ZNF462: variants seen among roughly 807,000 people sequenced by gnomAD.
The protein encoded by ZNF462 is zinc finger PBX1-interacting protein.
A neutral mutation model predicts 201.9 loss-of-function variants in ZNF462; 10 were observed. The ratio of observed to expected loss-of-function variants is 0.05; its 90% CI spans 0.03 to 0.08. The LOEUF (loss-of-function observed/expected upper bound fraction) is 0.08. ZNF462 is among the 10% of genes least tolerant of loss of function. The pLI, the probability that ZNF462 is intolerant of heterozygous loss-of-function variation, is 1.00. For missense variants in ZNF462, 2,523 were observed against 3,168.3 expected (o/e 0.80, Z 4.89); for synonymous variants, 1,227 against 1,193.3 (o/e 1.03, Z -0.58).
intron 1 of ZNF462, among the ~76,000 whole-genome samples, chr9:106,863,755 T>C (rs1564061897): frequency 6.7e-6 from 1 of 148,250 alleles, no homozygotes; most frequent in Non-Finnish European, 1.5e-5. Context: ...AAATGAAAGA[T>C]GAGTGAGAAG....
chr9:106,969,212 A>G (rs1462185739), intron 7 of ZNF462, among the ~76,000 whole-genome samples: 1 of 152,104 alleles, frequency 6.6e-6, no homozygotes, highest in Non-Finnish European at 1.5e-5. Flanking sequence ...AAACCTGTCC[A>G]TCTGATTTTA....
chr9:106,915,077 AAGGG>A lies in ZNF462; in HGVS notation c.-30-8276_-30-8273del, dbSNP rs1289832917. Among the ~76,000 whole-genome samples, 951 of 152,282 alleles carry A rather than the reference AAGGG, an allele frequency of 6.2e-3. 7 individuals carry two copies. The highest frequency in any genetic ancestry group is 0.018 in the Admixed American group (276 of 15,294). ...CTTCATTTAACAAAATGATCAAAGT[AAGGG>A]CCTCAAAAGACTTGCTCTCAAGGTG... On this transcript the variant is annotated intron_variant, in intron 1 of 12. Coordinates refer to ENST00000277225, the MANE Select transcript of ZNF462 (RefSeq NM_021224.6).
At chr9:106,889,387 A>G (rs1370505723) in intron 1 of ZNF462, among the ~76,000 whole-genome samples, 1 of 152,040 alleles carries the variant, frequency 6.6e-6, no homozygotes, top group Admixed American at 6.6e-5. Flanking sequence ...TGTCTTGTGG[A>G]TTTGAAAGTA....
In ZNF462 at chr9:106,930,475, C is replaced by T; in HGVS notation, c.5848-50C>T. On this transcript the variant is annotated intron_variant, in intron 3 of 12. Coordinates refer to ENST00000277225, the MANE Select transcript of ZNF462 (RefSeq NM_021224.6). The surrounding 1 kb of genome is among the most constrained non-coding windows in gnomAD (Gnocchi z 5.8). Reference sequence around the variant, plus strand: ...AGTAAACTGCAAGAATAAATTCTGACAATTGAGGGAGGGCTCGGAGTACTG... The same window carrying T: ...AGTAAACTGCAAGAATAAATTCTGATAATTGAGGGAGGGCTCGGAGTACTG... 6.3e-7 allele frequency: 1 copy of T among 1,596,462 alleles called. No individual in the cohort carries two copies. The highest frequency in any genetic ancestry group is 8.6e-7 in the Non-Finnish European group (1 of 1,167,508).
At position 106,970,038 on chromosome 9, in the gene ZNF462, T is replaced by C. The variant is rs1277655462; in HGVS notation, c.6428-1967T>C. On this transcript the variant is annotated intron_variant, in intron 7 of 12. Transcript: ENST00000277225. This position sits in a 1 kb window ranked among gnomAD's most constrained non-coding sequence, Gnocchi z 4.2. ...AAAACATCTCAAACAATCCATGAAA[T>C]GGTAAACAAACCTGCTATTGAATGA... 6.6e-6 allele frequency among the ~76,000 whole-genome samples: 1 copy of C among 152,176 alleles called. No individual in the cohort carries two copies.
chr9:106,925,332 G>A lies in ZNF462; in HGVS notation c.1420G>A (p.Glu474Lys), dbSNP rs749451184. The A allele has an allele frequency of 1.2e-5, 20 of 1,614,152 alleles. No homozygotes were observed. Among genetic ancestry groups the A allele is most frequent in the South Asian group, 9.9e-5 (9 of 91,080 alleles). The change falls in exon 3 of 13, where the codon GAA (glutamate) becomes AAA (lysine). Residue 474 changes from glutamate to lysine, a missense_variant. Glu to Lys is a moderately conservative substitution (Grantham distance 56). Around this residue, in one of 15 missense-constraint regions of ZNF462, gnomAD observed 383 missense variants for 453.4 expected, o/e 0.84. Transcript: ENST00000277225. This position sits in a 1 kb window ranked among gnomAD's most constrained non-coding sequence, Gnocchi z 7.9. ...AAAGACAGCTGTCTACAAATGTGAC[G>A]AATGTCCGTTTACTTGCAAGAGCTC... ...SGKTAVYKCDECPFTCKSSLK... is the reference protein window; with the variant it reads ...SGKTAVYKCDKCPFTCKSSLK...
intron 1 of ZNF462, among the ~76,000 whole-genome samples, chr9:106,863,817 CAG>C (rs953330049): frequency 1.4e-5 from 2 of 143,190 alleles, no homozygotes; most frequent in African/African-American, 2.6e-5. Context: ...GGAGTAGGGA[CAG>C]AGGGGGGCGG....
chr9:106,914,849 T>C (rs942863925), intron 1 of ZNF462, among the ~76,000 whole-genome samples: 3 of 152,150 alleles, frequency 2.0e-5, no homozygotes, highest in African/African-American at 7.2e-5. Flanking sequence ...TTGGGAGTGG[T>C]GGCTAAGATA....
Position 106,905,353 on chromosome 9 carries a change from G to T in ZNF462, c.-30-18001G>T, listed in dbSNP as rs938884158. On this transcript the variant is annotated intron_variant, in intron 1 of 12. Transcript: ENST00000277225. This position sits in a 1 kb window ranked among gnomAD's most constrained non-coding sequence, Gnocchi z 5.9. Reference sequence around the variant, plus strand: ...AGAGTGTGCAATGGACTCTCTGAGGGTCCTTAGCTTTGGTGATTTAATGGT... The same window carrying T: ...AGAGTGTGCAATGGACTCTCTGAGGTTCCTTAGCTTTGGTGATTTAATGGT... Among the ~76,000 whole-genome samples the T allele has an allele frequency of 6.6e-6, 1 of 152,060 alleles. No homozygotes were observed.
Position 106,925,635 on chromosome 9 carries a change from C to T in ZNF462, c.1723C>T (p.Pro575Ser). 2 of 1,613,860 alleles carry T rather than the reference C, an allele frequency of 1.2e-6. No individual in the cohort carries two copies. Among genetic ancestry groups the T allele is most frequent in the East Asian group, 2.2e-5 (1 of 44,868 alleles). ...PPQLQPPHQV[P>S]PQPQTQPPPT... ...ACAGCTGCAGCCACCACATCAGGTG[C>T]CACCCCAGCCACAAACACAGCCACC... The change falls in exon 3 of 13, where the codon CCA becomes TCA. Residue 575 changes from proline to serine, a missense_variant. Physicochemically the swap from Pro to Ser is moderately conservative, Grantham distance 74 (BLOSUM62 -1). Around this residue, in one of 15 missense-constraint regions of ZNF462, gnomAD observed 383 missense variants for 453.4 expected, o/e 0.84. Transcript: ENST00000277225. The surrounding 1 kb of genome is among the most constrained non-coding windows in gnomAD (Gnocchi z 7.9).
In ZNF462 at chr9:107,006,703, T is replaced by C. The variant is rs1011834355; in HGVS notation, c.7190-2842T>C. ...CTACCATGATGCCAGGGCTAAAGACTATGGGTTTGCGAAGGGGGCCCCAGT... is the reference window on the plus strand; with the variant it reads ...CTACCATGATGCCAGGGCTAAAGACCATGGGTTTGCGAAGGGGGCCCCAGT... On this transcript the variant is annotated intron_variant, in intron 11 of 12. Transcript: ENST00000277225. The surrounding 1 kb of genome is among the most constrained non-coding windows in gnomAD (Gnocchi z 4.3). Among the ~76,000 whole-genome samples, 9 of 152,124 alleles carry C rather than the reference T, an allele frequency of 5.9e-5. No individual in the cohort carries two copies. Among genetic ancestry groups the C allele is most frequent in the African/African-American group, 2.2e-4 (9 of 41,428 alleles).
Position 106,954,546 on chromosome 9 carries a change from T to C in ZNF462, c.6427+15439T>C, listed in dbSNP as rs149131731. Among the ~76,000 whole-genome samples the C allele has an allele frequency of 8.5e-3, 1,287 of 152,118 alleles. 21 individuals carry two copies. Among genetic ancestry groups the C allele is most frequent in the Middle Eastern group, 0.014 (4 of 294 alleles). On this transcript the variant is annotated intron_variant, in intron 7 of 12. Coordinates refer to ENST00000277225, the MANE Select transcript of ZNF462 (RefSeq NM_021224.6). This position sits in a 1 kb window ranked among gnomAD's most constrained non-coding sequence, Gnocchi z 4.0. ...AAAAAAACTCAGTCAATATTCTCCA[T>C]GTTTATACCCAGCCTTTTCTCTTTC... is the stretch of plus-strand genomic sequence containing the variant.
At chr9:106,959,456 A>G (rs1203442950) in intron 7 of ZNF462, among the ~76,000 whole-genome samples, 1 of 152,094 alleles carries the variant, frequency 6.6e-6, no homozygotes, top group Non-Finnish European at 1.5e-5. Context: ...ATTGCTGTGG[A>G]ACTGAGGCCC....
rs771402348 is a variant in ZNF462 at position 107,009,583 on chromosome 9, A to T, written c.7228A>T (p.Thr2410Ser). The T allele has an allele frequency of 2.3e-5, 37 of 1,613,826 alleles. No homozygotes were observed. Among genetic ancestry groups the T allele is most frequent in the Non-Finnish European group, 3.1e-5 (36 of 1,179,956 alleles). Residue 2410 changes from threonine (T) to serine (S), a missense_variant, in exon 12 of 13, where the codon ACT becomes TCT. Thr to Ser is a moderately conservative substitution (Grantham distance 58). This residue lies in a region of ZNF462 where 228 missense variants were observed against 361.2 expected (regional missense o/e 0.63). Coordinates refer to ENST00000277225, the MANE Select transcript of ZNF462 (RefSeq NM_021224.6). This position sits in a 1 kb window ranked among gnomAD's most constrained non-coding sequence, Gnocchi z 6.1. Reference protein sequence around the residue: ...RFSDHGAALNTEKRFPCEFCG... With the variant: ...RFSDHGAALNSEKRFPCEFCG... ...TTCTGACCACGGGGCTGCTCTTAACACTGAGAAGCGTTTTCCATGTGAATT... is the reference window on the plus strand; with the variant it reads ...TTCTGACCACGGGGCTGCTCTTAACTCTGAGAAGCGTTTTCCATGTGAATT...
rs768493878 is a variant in ZNF462 at position 106,924,759 on chromosome 9, A to G, written c.847A>G (p.Thr283Ala). 1 of 1,614,142 alleles carries G rather than the reference A, an allele frequency of 6.2e-7. No individual in the cohort carries two copies. Among genetic ancestry groups the G allele is most frequent in the Non-Finnish European group, 8.5e-7 (1 of 1,180,026 alleles). The change falls in exon 3 of 13, where the codon ACT becomes GCT. Residue 283 changes from threonine to alanine, a missense_variant. Physicochemically the swap from Thr to Ala is moderately conservative, Grantham distance 58. Around this residue, in one of 15 missense-constraint regions of ZNF462, gnomAD observed 480 missense variants for 544.4 expected, o/e 0.88. Coordinates refer to ENST00000277225, the MANE Select transcript of ZNF462 (RefSeq NM_021224.6). This position sits in a 1 kb window ranked among gnomAD's most constrained non-coding sequence, Gnocchi z 6.2. Reference sequence around the variant, plus strand: ...CAGTCTCAGACAGCAACAAGAAGGAACTAATCTACCTGATGTGCCGAACAA... The same window carrying G: ...CAGTCTCAGACAGCAACAAGAAGGAGCTAATCTACCTGATGTGCCGAACAA... ...LSSLRQQQEGTNLPDVPNKSA... is the reference protein window; with the variant it reads ...LSSLRQQQEGANLPDVPNKSA...
rs1199701096 is a variant in ZNF462, at chr9:107,009,867, A to G, written c.7313+199A>G. On this transcript the variant is annotated intron_variant, in intron 12 of 12. Transcript: ENST00000277225. This position sits in a 1 kb window ranked among gnomAD's most constrained non-coding sequence, Gnocchi z 6.1. ...AAAATGGTCACCCAGCCGCAAGTCAAATAGGGAAAAAAATCGTCTTTATGA... is the reference window on the plus strand; with the variant it reads ...AAAATGGTCACCCAGCCGCAAGTCAGATAGGGAAAAAAATCGTCTTTATGA... Among the ~76,000 whole-genome samples, 1 of 152,188 alleles carries G rather than the reference A, an allele frequency of 6.6e-6. No individual in the cohort carries two copies. The highest frequency in any genetic ancestry group is 2.4e-5 in the African/African-American group (1 of 41,456).
chr9:106,951,381 G>A (rs528934640), intron 7 of ZNF462, among the ~76,000 whole-genome samples: 7 of 152,280 alleles, frequency 4.6e-5, no homozygotes, highest in Admixed American at 2.6e-4. Flanking sequence ...CTTGAGGTCG[G>A]AGAAGTAATT....
chr9:106,912,507 T>C (rs1338004724), intron 1 of ZNF462, among the ~76,000 whole-genome samples: 1 of 152,222 alleles, frequency 6.6e-6, no homozygotes, highest in East Asian at 1.9e-4. Flanking sequence ...TGAAGACTCA[T>C]TACTGAGAAT....
rs1829954796 is a variant in ZNF462, at chr9:106,920,664, G to T, written c.-30-2690G>T. On this transcript the variant is annotated intron_variant, in intron 1 of 12. Transcript: ENST00000277225. This position sits in a 1 kb window ranked among gnomAD's most constrained non-coding sequence, Gnocchi z 4.3. ...ATCTCATAACCCTTTAATCTCCTTT[G>T]TAGCAGAACAAGGAGATTGTTAGTT... is the stretch of plus-strand genomic sequence containing the variant. Among the ~76,000 whole-genome samples the T allele has an allele frequency of 6.6e-6, 1 of 152,012 alleles. No homozygotes were observed. Among genetic ancestry groups the T allele is most frequent in the Admixed American group, 6.5e-5 (1 of 15,280 alleles).
Sources: gnomAD v4.1 joint callset for allele counts (sites outside exome capture counted in the v4.1 genomes callset) on GRCh38, gnomAD v4.1.1 for gene constraint, gnomAD v4.1.1 regional missense constraint, Gnocchi (gnomAD v3.1) non-coding constraint, MANE v1.5 for transcripts, NCBI Gene and HGNC (gene_info 2026-07-23, HGNC 2026-07-21) for gene names.